SNX12: variants seen among roughly 807,000 people sequenced by gnomAD.
SNX12 encodes sorting nexin 12.
For synonymous variants in SNX12, 47 were observed against 56.0 expected, an observed-to-expected ratio of 0.84 and a Z score of 0.71; for missense variants, 62 against 141.3, an observed-to-expected ratio of 0.44 and a Z score of 2.84.
rs1023165962 is a variant in SNX12 at position 71,068,154 on chromosome X, C to T, written c.153G>A (p.Glu51=). The T allele has an allele frequency of 1.7e-5, 20 of 1,203,916 alleles. No individual in the cohort carries two copies. The highest frequency in any genetic ancestry group is 2.2e-5 in the Non-Finnish European group (20 of 892,872). ...GVGRARFTTY[E]VRMRTNLPIF... is the part of the protein sequence containing the mutation. Reference sequence around the variant, plus strand: ...CCCCGTGACTCACCCGCATGCGAACCTCATAGGTGGTGAAGCGCGCGCGTC... The same window carrying T: ...CCCCGTGACTCACCCGCATGCGAACTTCATAGGTGGTGAAGCGCGCGCGTC... The change falls in exon 1 of 4, where the codon GAG becomes GAA. Residue 51 remains glutamate, a synonymous_variant. Transcript: ENST00000374274.
At chrX:71,061,289 T>C (rs1481006365) in intron 3 of SNX12, among the ~76,000 whole-genome samples, 171 bp from the exon 4 acceptor site, 1 of 110,907 alleles carries the variant, frequency 9.0e-6, no homozygotes, top group Non-Finnish European at 1.9e-5. Context: ...GGACGGGGGA[T>C]AGAGGGGCAA....
intron 1 of SNX12, among the ~76,000 whole-genome samples, chrX:71,064,807 C>T (rs2092145444): frequency 8.8e-6 from 1 of 113,091 alleles, no homozygotes; most frequent in East Asian, 2.8e-4. Flanking sequence ...TAGTTATCTC[C>T]TTTCTCCACA....
intron 1 of SNX12, among the ~76,000 whole-genome samples, chrX:71,063,370 A>C (rs2092139408): frequency 9.2e-6 from 1 of 109,149 alleles, no homozygotes; most frequent in South Asian, 3.9e-4. Context: ...GGCGGCACAC[A>C]CTTGTAATCT....
At chrX:71,072,028 C>T (rs2092175526), upstream of SNX12, among the ~76,000 whole-genome samples, 1 of 110,515 alleles carries the variant, frequency 9.0e-6, no homozygotes, top group East Asian at 2.8e-4. Flanking sequence ...GAGGCCAAGG[C>T]GGGCTGATTG....
chrX:71,071,364 ATAAT>A (rs1272949140), upstream of SNX12, among the ~76,000 whole-genome samples: 11 of 94,228 alleles, frequency 1.2e-4, no homozygotes, highest in African/African-American at 4.3e-4. Flanking sequence ...TTTATATATA[ATAAT>A]TAATATAAAT....
upstream of SNX12, among the ~76,000 whole-genome samples, chrX:71,071,597 A>T (rs1312679658): frequency 4.1e-5 from 2 of 49,116 alleles, no homozygotes; most frequent in East Asian, 4.8e-4. Context: ...TATAATATTT[A>T]TATATATTAT....
upstream of SNX12, among the ~76,000 whole-genome samples, chrX:71,071,593 AT>A (rs2092173094): frequency 1.7e-5 from 1 of 58,614 alleles, no homozygotes; most frequent in Non-Finnish European, 2.8e-5. Flanking sequence ...AATATATAAT[AT>A]TTATATATAT....
chrX:71,067,664 T>C (rs2092158530), intron 1 of SNX12, among the ~76,000 whole-genome samples: 1 of 111,874 alleles, frequency 8.9e-6, no homozygotes, highest in African/African-American at 3.3e-5. Flanking sequence ...AGGCTTTGCT[T>C]TACTCCATTA....
chrX:71,066,082 G>A (rs761979246), intron 1 of SNX12, among the ~76,000 whole-genome samples: 1 of 112,526 alleles, frequency 8.9e-6, no homozygotes, highest in Non-Finnish European at 1.9e-5. Flanking sequence ...AGACAGAAGT[G>A]TAGCAGAAAG....
upstream of SNX12, among the ~76,000 whole-genome samples, chrX:71,072,101 A>G (rs2092175638): frequency 9.1e-6 from 1 of 110,271 alleles, no homozygotes; most frequent in African/African-American, 3.3e-5. Context: ...CTACTAAAAT[A>G]CGAAAAATTA....
chrX:71,060,650 A>C lies in SNX12; in HGVS notation c.*366T>G, dbSNP rs532157781. On this transcript the variant is annotated 3_prime_UTR_variant, in exon 4 of 4. Coordinates refer to ENST00000374274, the MANE Select transcript of SNX12 (RefSeq NM_013346.4). ...TTGGTTAAACCTAAGAGTAAGAAAAATCCCCTGAACTTGCAGCATCAGTAT... is the reference window on the plus strand; with the variant it reads ...TTGGTTAAACCTAAGAGTAAGAAAACTCCCCTGAACTTGCAGCATCAGTAT... 6.4e-5 allele frequency: 11 copies of C among 171,081 alleles called. No homozygotes were observed. In the South Asian group the frequency reaches 1.3e-3, roughly 19 times the overall value. The allele number at this position is 171,081 out of a possible 1,213,427, so 14.1% of individuals were successfully genotyped here.
chrX:71,062,013 T>C (rs1191050478), intron 2 of SNX12, 46 bp from the exon 3 acceptor site: 1 of 1,144,799 alleles, frequency 8.7e-7, no homozygotes, highest in Non-Finnish European at 1.2e-6. Flanking sequence ...AGAGACAGAG[T>C]GGGAATGAGA....
Position 71,061,956 on chromosome X carries a change from T to C in SNX12, c.273A>G (p.Pro91=). Residue 91 remains proline, a synonymous_variant, in exon 3 of 4, where the codon CCA becomes CCG. Coordinates refer to ENST00000374274, the MANE Select transcript of SNX12 (RefSeq NM_013346.4). ...GCTTCAAGGCTTTCCCAGGCAGTGG[T>C]GGTACTACAATCTGCAGGCACACAC... ...ELERDSKIVV[P]PLPGKALKRQ... is the part of the protein sequence containing the mutation. 3.3e-6 allele frequency: 4 copies of C among 1,195,730 alleles called. No individual in the cohort carries two copies. The highest frequency in any genetic ancestry group is 4.5e-6 in the Non-Finnish European group (4 of 890,462).
intron 3 of SNX12, 80 bp downstream of exon 3, chrX:71,061,763 T>G: frequency 5.8e-6 from 5 of 863,535 alleles, no homozygotes; most frequent in Non-Finnish European, 8.2e-6. Context: ...AAAAATAAAA[T>G]AAAAGGTGAG....
intron 3 of SNX12, 27 bp from the exon 4 acceptor site, chrX:71,061,145 G>A (rs1274523775): frequency 2.7e-5 from 30 of 1,101,847 alleles, no homozygotes; most frequent in Non-Finnish European, 3.7e-5. Context: ...ATGGTTATCA[G>A]TAGTATTCAG....
intron 1 of SNX12, among the ~76,000 whole-genome samples, chrX:71,065,804 C>CAA (rs36018264): frequency 3.3e-4 from 27 of 81,913 alleles, no homozygotes; most frequent in Non-Finnish European, 5.3e-4. Context: ...AACTCTATCT[C>CAA]AAAAAAAAAA....
At chrX:71,061,694 T>C (rs1382981908) in intron 3 of SNX12, 149 bp downstream of exon 3, 8 of 500,960 alleles carry the variant, frequency 1.6e-5, no homozygotes, top group East Asian at 4.3e-5. Flanking sequence ...GATCACACCA[T>C]TGCACTCCAG....
chrX:71,065,570 C>G (rs1424505417), intron 1 of SNX12, among the ~76,000 whole-genome samples: 1 of 103,634 alleles, frequency 9.6e-6, no homozygotes, highest in Non-Finnish European at 2.0e-5. Flanking sequence ...TTTGGGAGGC[C>G]GAGGCAAGCG....
At chrX:71,073,385 C>T (rs1184701522), upstream of SNX12, 3 of 111,937 alleles carry the variant, frequency 2.7e-5, no homozygotes, top group East Asian at 5.5e-4. Context: ...GAACTTCTTT[C>T]GATTCTCTCT....
Sources: gnomAD v4.1 joint callset for allele counts (sites outside exome capture counted in the v4.1 genomes callset) on GRCh38, gnomAD v4.1.1 for gene constraint, MANE v1.5 for transcripts, NCBI Gene and HGNC (gene_info 2026-07-23, HGNC 2026-07-21) for gene names.